Variants in LURAP1L observed in about 807,000 individuals in gnomAD.
LURAP1L encodes the protein leucine rich adaptor protein 1-like.
LURAP1L carries 12 observed loss-of-function variants against 13.8 expected under a neutral mutation model. The ratio of observed to expected loss-of-function variants is 0.87; its 90% confidence interval spans 0.56 to 1.41. The LOEUF is 1.41. Ranked by LOEUF, LURAP1L falls within the 40% of genes most tolerant of loss-of-function variation. LURAP1L has a pLI of 0.00. For missense variants in LURAP1L, 375 were observed against 292.9 expected (o/e 1.28, Z -2.04); for synonymous variants, 139 against 119.2 (o/e 1.17, Z -1.08).
chr9:12,788,986 G>C (rs973185078), intron 1 of LURAP1L, among the ~76,000 whole-genome samples: 7 of 150,932 alleles, frequency 4.6e-5, no homozygotes, highest in Non-Finnish European at 7.4e-5. Flanking sequence ...AGGATCTCTG[G>C]AGCCCAGTAG....
intron 1 of LURAP1L, among the ~76,000 whole-genome samples, chr9:12,792,619 A>C (rs1157165225): frequency 6.6e-6 from 1 of 152,144 alleles, no homozygotes; most frequent in African/African-American, 2.4e-5. Flanking sequence ...GAAGTGAAGA[A>C]TCAAACTATG....
intron 1 of LURAP1L, 116 bp from the exon 2 acceptor site, chr9:12,821,270 A>G: frequency 8.3e-7 from 1 of 1,199,628 alleles, no homozygotes; most frequent in Non-Finnish European, 1.2e-6. Context: ...CAGTCCACTT[A>G]TATTTTATTC....
At chr9:12,787,379 C>T (rs1234775496) in intron 1 of LURAP1L, among the ~76,000 whole-genome samples, 2 of 152,058 alleles carry the variant, frequency 1.3e-5, no homozygotes, top group Non-Finnish European at 1.5e-5. Context: ...CAAAGCACAA[C>T]TTAAAATGCT....
rs1203618176 is a variant in LURAP1L, at chr9:12,775,029, G to C, written c.-687G>C. On this transcript the variant is annotated 5_prime_UTR_variant, in exon 1 of 2. Transcript: ENST00000319264. ...AGGCTCAGAGGAACACAATGACTTGGATCAAACAGCCTAAATGGGAAGAAG... is the reference window on the plus strand; with the variant it reads ...AGGCTCAGAGGAACACAATGACTTGCATCAAACAGCCTAAATGGGAAGAAG... The C allele has an allele frequency of 2.6e-5, 4 of 152,206 alleles. No homozygotes were observed. Among genetic ancestry groups the C allele is most frequent in the Admixed American group, 1.3e-4 (2 of 15,274 alleles). The allele number at this position is 152,206 out of a possible 1,614,324, so 9.4% of individuals were successfully genotyped here. A position where few individuals can be genotyped will look rare whatever the true frequency, so the allele number is the denominator to read the frequency against.
intron 1 of LURAP1L, among the ~76,000 whole-genome samples, chr9:12,811,182 T>G (rs1586886229): frequency 6.6e-6 from 1 of 152,310 alleles, no homozygotes; most frequent in East Asian, 1.9e-4. Flanking sequence ...TGAGGAATTC[T>G]GAAAAGCAAG....
intron 1 of LURAP1L, among the ~76,000 whole-genome samples, chr9:12,790,244 G>T (rs903185837): frequency 2.0e-5 from 3 of 152,060 alleles, no homozygotes; most frequent in Non-Finnish European, 4.4e-5. Flanking sequence ...TCTTATCTTG[G>T]TTAATAATAT....
Position 12,809,880 on chromosome 9 carries a change from A to G in LURAP1L, c.313-11506A>G, listed in dbSNP as rs181531645. ...TTGGGTTTCCTTTGGCACTCTTTAA[A>G]TATGGTCAGAGGCCTGCAGTTCTTT... On this transcript the variant is annotated intron_variant, in intron 1 of 1. Coordinates refer to ENST00000319264, the MANE Select transcript of LURAP1L (RefSeq NM_203403.2). 2.1e-3 allele frequency among the ~76,000 whole-genome samples: 316 copies of G among 152,256 alleles called. 1 individual carries two copies. The highest frequency in any genetic ancestry group is 5.8e-3 in the African/African-American group (239 of 41,532).
intron 1 of LURAP1L, among the ~76,000 whole-genome samples, chr9:12,808,204 A>G (rs566715855): frequency 2.6e-5 from 4 of 152,048 alleles, no homozygotes; most frequent in African/African-American, 4.8e-5. Context: ...TTCTGCCGAT[A>G]TATTTTTCTT....
intron 1 of LURAP1L, among the ~76,000 whole-genome samples, chr9:12,819,120 A>G (rs747908955): frequency 6.6e-6 from 1 of 152,180 alleles, no homozygotes; most frequent in Non-Finnish European, 1.5e-5. Flanking sequence ...ACACCCCAAC[A>G]AATAGAGGGG....
At chr9:12,779,617 T>C (rs760270391) in intron 1 of LURAP1L, among the ~76,000 whole-genome samples, 24 of 152,132 alleles carry the variant, frequency 1.6e-4, no homozygotes, top group Non-Finnish European at 7.3e-5. Context: ...CATAATCTTA[T>C]AGACAAAGCA....
intron 1 of LURAP1L, chr9:12,777,627 A>AT (rs1470042894): frequency 2.1e-6 from 2 of 948,108 alleles, no homozygotes; most frequent in Non-Finnish European, 1.3e-6. Flanking sequence ...TAATACTGTC[A>AT]TTTTGCTGGA....
chr9:12,792,577 C>A (rs1461322193), intron 1 of LURAP1L, among the ~76,000 whole-genome samples: 1 of 152,024 alleles, frequency 6.6e-6, no homozygotes, highest in African/African-American at 2.4e-5. Flanking sequence ...TAATAATGGC[C>A]TTCTCCCTGA....
intron 1 of LURAP1L, chr9:12,777,718 C>A: frequency 6.3e-6 from 2 of 318,944 alleles, no homozygotes; most frequent in Non-Finnish European, 9.0e-6. Context: ...CACCCTGTCC[C>A]AAGGAATGAT....
intron 1 of LURAP1L, among the ~76,000 whole-genome samples, chr9:12,788,175 G>GAAAGAAAC (rs1554657461): frequency 1.4e-5 from 2 of 147,054 alleles, no homozygotes; most frequent in African/African-American, 5.1e-5. Flanking sequence ...AAGAAAGAAA[G>GAAAGAAAC]AAAGAAAGAA....
intron 1 of LURAP1L, among the ~76,000 whole-genome samples, chr9:12,818,693 G>A (rs7846724): frequency 0.19 from 28,946 of 152,104 alleles, 3,195 homozygotes; most frequent in African/African-American, 0.29. Context: ...AGTATTTGGA[G>A]AGGAAGAGAG....
At chr9:12,788,895 C>A (rs112384125) in intron 1 of LURAP1L, among the ~76,000 whole-genome samples, 23 of 147,540 alleles carry the variant, frequency 1.6e-4, no homozygotes, top group African/African-American at 3.0e-4. Flanking sequence ...GACCCTATAT[C>A]TATATATATA....
At chr9:12,801,798 A>G (rs1432755183) in intron 1 of LURAP1L, among the ~76,000 whole-genome samples, 1 of 152,234 alleles carries the variant, frequency 6.6e-6, no homozygotes, top group African/African-American at 2.4e-5. Flanking sequence ...CATATTTGTC[A>G]TGGGAATTTT....
In LURAP1L at chr9:12,822,508, A is replaced by T. The variant is rs912121317; in HGVS notation, c.*748A>T. 1.3e-5 allele frequency among the ~76,000 whole-genome samples: 2 copies of T among 152,216 alleles called. No individual in the cohort carries two copies. The highest frequency in any genetic ancestry group is 1.3e-4 in the Admixed American group (2 of 15,272). On this transcript the variant is annotated 3_prime_UTR_variant, in exon 2 of 2. Coordinates refer to ENST00000319264, the MANE Select transcript of LURAP1L (RefSeq NM_203403.2). ...GGCCATTCAAGGCAAAAATGTCCTA[A>T]ATTTAATTGCATTTTGAGATTTTGT...
intron 1 of LURAP1L, among the ~76,000 whole-genome samples, chr9:12,810,868 TTAGA>T (rs1480260175): frequency 6.6e-6 from 1 of 152,140 alleles, no homozygotes; most frequent in African/African-American, 2.4e-5. Context: ...TAGTCAGTGT[TTAGA>T]CACCACATGA....
Sources: gnomAD v4.1 joint callset for allele counts (sites outside exome capture counted in the v4.1 genomes callset) on GRCh38, gnomAD v4.1.1 for gene constraint, MANE v1.5 for transcripts, NCBI Gene and HGNC (gene_info 2026-07-23, HGNC 2026-07-21) for gene names.